SLC22A23: variants seen among roughly 807,000 people sequenced by gnomAD.
The protein encoded by SLC22A23 is solute carrier family 22 member 23.
SLC22A23 carries 26 observed loss-of-function variants against 61.0 expected under a neutral mutation model. The observed-to-expected ratio is 0.43, with a 90% CI of 0.31 to 0.59. The LOEUF (loss-of-function observed/expected upper bound fraction) is 0.59, where lower values mean the gene tolerates loss of function less well. SLC22A23 is among the 20% of genes least tolerant of loss of function. The pLI is 0.11. For missense variants in SLC22A23, 796 were observed against 934.7 expected, an observed-to-expected ratio of 0.85 and a Z score of 1.94; for synonymous variants, 430 against 413.9, an observed-to-expected ratio of 1.04 and a Z score of -0.47.
Position 3,385,014 on chromosome 6 carries a change from T to C in SLC22A23, c.913+25174A>G, listed in dbSNP as rs563074337. On this transcript the variant is annotated intron_variant, in intron 3 of 9. Transcript: ENST00000406686. ...AACAAATGCTGTATGAATCCATTTA[T>C]ATGAGGCACTAGTGTAGTGAAATCC... Among the ~76,000 whole-genome samples the C allele has an allele frequency of 5.3e-5, 8 of 152,320 alleles. No individual in the cohort carries two copies. In the South Asian group the frequency reaches 8.3e-4, roughly 16 times the overall value.
At chr6:3,294,568 A>T (rs996536991) in intron 5 of SLC22A23, among the ~76,000 whole-genome samples, 1 of 152,108 alleles carries the variant, frequency 6.6e-6, no homozygotes, top group African/African-American at 2.4e-5. Context: ...CGTGTGTGGC[A>T]CTCATCCCGG....
At chr6:3,346,983 G>A (rs1764476377) in intron 3 of SLC22A23, among the ~76,000 whole-genome samples, 1 of 152,132 alleles carries the variant, frequency 6.6e-6, no homozygotes, top group African/African-American at 2.4e-5. Context: ...TATGTATTAA[G>A]GGAATCACCA....
intron 3 of SLC22A23, among the ~76,000 whole-genome samples, chr6:3,395,124 C>T (rs1158608623): frequency 6.6e-6 from 1 of 152,208 alleles, no homozygotes; most frequent in East Asian, 1.9e-4. Flanking sequence ...GTTTTAAAAT[C>T]GTATGCTCTC....
chr6:3,283,503 T>C (rs896408181), intron 9 of SLC22A23: 6 of 339,374 alleles, frequency 1.8e-5, no homozygotes, highest in African/African-American at 8.5e-5. Flanking sequence ...TGAGGTCTCT[T>C]AGCAGAGTTG....
chr6:3,337,862 G>A (rs73720530), intron 3 of SLC22A23, among the ~76,000 whole-genome samples: 4,155 of 152,288 alleles, frequency 0.027, 216 homozygotes, highest in African/African-American at 0.095. Flanking sequence ...TGCTACTTTC[G>A]CATAAGGATT....
At chr6:3,345,369 T>TC (rs1273130079) in intron 3 of SLC22A23, among the ~76,000 whole-genome samples, 5 of 148,172 alleles carry the variant, frequency 3.4e-5, no homozygotes, top group African/African-American at 1.2e-4. Flanking sequence ...TTTTCTTTTT[T>TC]TTTTTTTTTT....
intron 1 of SLC22A23, among the ~76,000 whole-genome samples, chr6:3,446,770 G>A (rs1771915859): frequency 2.0e-5 from 3 of 152,314 alleles, no homozygotes; most frequent in East Asian, 3.9e-4. Flanking sequence ...GGTGGCTACA[G>A]AGCCCCAAGT....
intron 3 of SLC22A23, among the ~76,000 whole-genome samples, chr6:3,396,873 T>C (rs1768042225): frequency 6.6e-6 from 1 of 152,142 alleles, no homozygotes; most frequent in South Asian, 2.1e-4. Context: ...CAAACCCAGG[T>C]TGATCCGATT....
chr6:3,399,583 G>A (rs189058874), intron 3 of SLC22A23, among the ~76,000 whole-genome samples: 10 of 152,314 alleles, frequency 6.6e-5, no homozygotes, highest in East Asian at 3.9e-4. Flanking sequence ...AATGAGCAAC[G>A]TCCTGAGTTA....
At chr6:3,419,927 T>C (rs1299075386) in intron 1 of SLC22A23, among the ~76,000 whole-genome samples, 1 of 152,174 alleles carries the variant, frequency 6.6e-6, no homozygotes, top group African/African-American at 2.4e-5. Flanking sequence ...CCTGAACTAA[T>C]ACAAGAGTCT....
intron 5 of SLC22A23, among the ~76,000 whole-genome samples, chr6:3,293,766 C>T (rs1307376089): frequency 6.6e-6 from 1 of 152,220 alleles, no homozygotes; most frequent in Admixed American, 6.5e-5. Flanking sequence ...GGTGGCCTGA[C>T]ATATCCACCC....
chr6:3,411,674 T>A (rs905735538), intron 2 of SLC22A23, among the ~76,000 whole-genome samples: 1 of 152,124 alleles, frequency 6.6e-6, no homozygotes, highest in Admixed American at 6.5e-5. Flanking sequence ...TAGAGATAGA[T>A]GGAATTTTAA....
intron 8 of SLC22A23, chr6:3,284,825 C>CAGGGGA: frequency 7.4e-7 from 1 of 1,343,106 alleles, no homozygotes; most frequent in East Asian, 2.5e-5. Flanking sequence ...AGCCTGGTGC[C>CAGGGGA]AGGGGAAGGG....
chr6:3,439,013 C>T (rs1771406218), intron 1 of SLC22A23, among the ~76,000 whole-genome samples: 1 of 152,208 alleles, frequency 6.6e-6, no homozygotes. Context: ...TCAGGAAATA[C>T]AATGAGTGTT....
Position 3,324,089 on chromosome 6 carries a change from T to C in SLC22A23, c.914-87A>G. On this transcript the variant is annotated intron_variant, in intron 3 of 9. Transcript: ENST00000406686. The surrounding 1 kb of genome is among the most constrained non-coding windows in gnomAD (Gnocchi z 4.3). Reference sequence around the variant, plus strand: ...GGTGCACCTGGGCCAGTGCACTGCTTAACCCACCAACGACTGAAATTGTTT... The same window carrying C: ...GGTGCACCTGGGCCAGTGCACTGCTCAACCCACCAACGACTGAAATTGTTT... 1 of 1,482,486 alleles carries C rather than the reference T, an allele frequency of 6.7e-7. No individual in the cohort carries two copies. The highest frequency in any genetic ancestry group is 9.2e-7 in the Non-Finnish European group (1 of 1,083,546). The allele number at this position is 1,482,486 out of a possible 1,614,324, so 91.8% of individuals were successfully genotyped here.
chr6:3,301,958 G>A (rs1032205914), intron 4 of SLC22A23, among the ~76,000 whole-genome samples: 1 of 152,232 alleles, frequency 6.6e-6, no homozygotes. Context: ...CTTGTAAAAC[G>A]AGTTGGAAGA....
At chr6:3,336,365 C>T (rs1338549284) in intron 3 of SLC22A23, among the ~76,000 whole-genome samples, 1 of 152,188 alleles carries the variant, frequency 6.6e-6, no homozygotes, top group East Asian at 1.9e-4. Context: ...GAGTTCTTCC[C>T]TTTAATCCAT....
intron 1 of SLC22A23, among the ~76,000 whole-genome samples, chr6:3,418,377 G>C (rs1412319994): frequency 1.3e-5 from 2 of 152,240 alleles, no homozygotes; most frequent in African/African-American, 4.8e-5. Context: ...TTTTAATAAA[G>C]CATTTAGGGG....
intron 3 of SLC22A23, among the ~76,000 whole-genome samples, chr6:3,382,241 T>C (rs1320896369): frequency 6.6e-6 from 1 of 152,226 alleles, no homozygotes; most frequent in East Asian, 1.9e-4. Flanking sequence ...TGGAGATGAA[T>C]CAGGGAAGAA....
Sources: gnomAD v4.1 joint callset for allele counts (sites outside exome capture counted in the v4.1 genomes callset) on GRCh38, gnomAD v4.1.1 for gene constraint, Gnocchi (gnomAD v3.1) non-coding constraint, MANE v1.5 for transcripts, NCBI Gene and HGNC (gene_info 2026-07-23, HGNC 2026-07-21) for gene names.